RUNDC3B: variants seen among roughly 807,000 people sequenced by gnomAD.
RUNDC3B encodes RUN domain-containing protein 3B.
A neutral mutation model predicts 58.4 loss-of-function variants in RUNDC3B; 33 were observed. The observed-to-expected ratio is 0.56, with a 90% CI of 0.43 to 0.75. The LOEUF (loss-of-function observed/expected upper bound fraction) is 0.75, where lower values mean the gene tolerates loss of function less well. Among genes scored for constraint, RUNDC3B ranks in the 30% least tolerant of loss-of-function variants. The pLI is 0.00. For missense variants in RUNDC3B, 501 were observed against 535.7 expected (o/e 0.94, Z 0.64); for synonymous variants, 193 against 195.2 (o/e 0.99, Z 0.10).
intron 1 of RUNDC3B, among the ~76,000 whole-genome samples, chr7:87,631,054 G>A (rs1257958416): frequency 6.6e-6 from 1 of 152,136 alleles, no homozygotes; most frequent in Non-Finnish European, 1.5e-5. Context: ...CATAGATTTA[G>A]TGTAATAGCT....
chr7:87,803,661 A>G (rs1836286339), intron 8 of RUNDC3B, among the ~76,000 whole-genome samples: 1 of 152,120 alleles, frequency 6.6e-6, no homozygotes, highest in South Asian at 2.1e-4. Flanking sequence ...AACTACAACA[A>G]TCACAAAGAC....
chr7:87,733,339 C>G (rs967884954), intron 4 of RUNDC3B, among the ~76,000 whole-genome samples: 12 of 152,194 alleles, frequency 7.9e-5, no homozygotes, highest in African/African-American at 2.9e-4. Flanking sequence ...TTACACAATC[C>G]TGCATGGAAT....
At chr7:87,677,423 A>G (rs1333848740) in intron 2 of RUNDC3B, among the ~76,000 whole-genome samples, 1 of 152,130 alleles carries the variant, frequency 6.6e-6, no homozygotes, top group Non-Finnish European at 1.5e-5. Context: ...AAGACACAGA[A>G]AGACAAATAC....
In RUNDC3B at chr7:87,638,061, A is replaced by T. The variant is rs575085611; in HGVS notation, c.122+9116A>T. Among the ~76,000 whole-genome samples the T allele has an allele frequency of 1.1e-4, 16 of 151,842 alleles. No homozygotes were observed. In the South Asian group the frequency reaches 1.9e-3, roughly 18 times the overall value. On this transcript the variant is annotated intron_variant, in intron 1 of 10. Coordinates refer to ENST00000394654, the MANE Select transcript of RUNDC3B (RefSeq NM_001134405.2). The stretch of plus-strand genomic sequence containing the variant: ...TGGATGCTTATTATTGTATTATTAA[A>T]TTTTTTTTGTCTTTCAAGTAAACGT...
intron 1 of RUNDC3B, among the ~76,000 whole-genome samples, chr7:87,634,177 C>T (rs970586995): frequency 3.9e-5 from 6 of 152,130 alleles, no homozygotes; most frequent in African/African-American, 1.4e-4. Flanking sequence ...AGTACCAAGC[C>T]ATTCATGAAG....
intron 2 of RUNDC3B, 144 bp from the exon 3 acceptor site, chr7:87,700,277 C>G (rs1306302461): frequency 1.6e-6 from 1 of 620,892 alleles, no homozygotes; most frequent in Non-Finnish European, 2.6e-6. Context: ...AGATTTGAGG[C>G]TTTTTGACAC....
At chr7:87,761,292 A>T (rs1376774891) in intron 6 of RUNDC3B, among the ~76,000 whole-genome samples, 1 of 151,942 alleles carries the variant, frequency 6.6e-6, no homozygotes, top group African/African-American at 2.4e-5. Context: ...CTTTATACTC[A>T]CAAGGATAGC....
chr7:87,687,023 A>C (rs908739439), intron 2 of RUNDC3B, among the ~76,000 whole-genome samples: 5 of 152,248 alleles, frequency 3.3e-5, no homozygotes, highest in African/African-American at 1.2e-4. Flanking sequence ...TTAGAAATGT[A>C]GCACTTATTA....
chr7:87,822,144 T>C (rs1837493843), intron 10 of RUNDC3B, among the ~76,000 whole-genome samples: 1 of 152,224 alleles, frequency 6.6e-6, no homozygotes, highest in South Asian at 2.1e-4. Flanking sequence ...CCTACTCATC[T>C]GACAAAGGAC....
chr7:87,805,514 T>C (rs1483552993), intron 8 of RUNDC3B, among the ~76,000 whole-genome samples: 3 of 152,210 alleles, frequency 2.0e-5, no homozygotes, highest in African/African-American at 7.2e-5. Flanking sequence ...CATTAGGATT[T>C]CTAAGGACAA....
At chr7:87,734,313 A>G (rs959562196) in intron 4 of RUNDC3B, among the ~76,000 whole-genome samples, 4 of 152,190 alleles carry the variant, frequency 2.6e-5, no homozygotes, top group Non-Finnish European at 5.9e-5. Flanking sequence ...ATATCCATAC[A>G]GTGGAATGTT....
intron 9 of RUNDC3B, among the ~76,000 whole-genome samples, chr7:87,808,912 A>G (rs1483834242): frequency 6.6e-6 from 1 of 152,092 alleles, no homozygotes; most frequent in Non-Finnish European, 1.5e-5. Context: ...TTAACTGCAA[A>G]AATAGTATAA....
intron 8 of RUNDC3B, among the ~76,000 whole-genome samples, chr7:87,803,383 C>A (rs112016940): frequency 0.014 from 2,062 of 152,128 alleles, 35 homozygotes; most frequent in African/African-American, 0.047. Flanking sequence ...ACATTCAGGT[C>A]AAAAAATTGA....
chr7:87,757,302 A>G (rs1833427511), intron 6 of RUNDC3B, among the ~76,000 whole-genome samples: 1 of 152,180 alleles, frequency 6.6e-6, no homozygotes, highest in South Asian at 2.1e-4. Flanking sequence ...AGATCCACCA[A>G]TAAACTATTA....
chr7:87,799,004 T>A (rs1405594883), intron 8 of RUNDC3B, among the ~76,000 whole-genome samples: 1 of 152,214 alleles, frequency 6.6e-6, no homozygotes. Context: ...TGAAGAACAT[T>A]GTAATATTAA....
intron 8 of RUNDC3B, among the ~76,000 whole-genome samples, chr7:87,797,059 T>C (rs1479289088): frequency 2.0e-5 from 3 of 152,196 alleles, no homozygotes; most frequent in Non-Finnish European, 2.9e-5. Context: ...GTAATATTAG[T>C]TTATGTTTGG....
At chr7:87,709,298 T>C (rs77505893) in intron 3 of RUNDC3B, 36,696 of 985,112 alleles carry the variant, frequency 0.037, 743 homozygotes, top group Middle Eastern at 0.045. Flanking sequence ...ATTGGTGAAA[T>C]TGTAGCCTTT....
At chr7:87,699,116 C>T (rs560832431) in intron 2 of RUNDC3B, among the ~76,000 whole-genome samples, 1 of 152,268 alleles carries the variant, frequency 6.6e-6, no homozygotes, top group South Asian at 2.1e-4. Context: ...GATATTATCT[C>T]AGACATTGGT....
intron 9 of RUNDC3B, among the ~76,000 whole-genome samples, chr7:87,811,633 C>T (rs940702973): frequency 6.6e-5 from 10 of 152,106 alleles, no homozygotes; most frequent in Admixed American, 2.0e-4. Flanking sequence ...CATGAGCCAC[C>T]GCGCACGGCT....
Sources: allele counts gnomAD v4.1 joint callset (sites outside exome capture counted in the v4.1 genomes callset), GRCh38; gene constraint gnomAD v4.1.1; transcripts MANE v1.5; gene names NCBI Gene and HGNC (gene_info 2026-07-23, HGNC 2026-07-21).